Variants in ABHD6 observed in about 807,000 individuals in gnomAD.
The protein encoded by ABHD6 is abhydrolase domain containing 6, acylglycerol lipase.
In ABHD6, 33 loss-of-function variants were observed where a neutral mutation model predicts 38.8. The ratio of observed to expected loss-of-function variants is 0.85; its 90% CI spans 0.64 to 1.14. The LOEUF is 1.14. Ranked by LOEUF, ABHD6 falls within the 50% of genes most tolerant of loss-of-function variation. The probability of loss-of-function intolerance (pLI) is 0.00; values close to 1 mark genes in which losing one functional copy is unlikely to be tolerated. For synonymous variants in ABHD6, 147 were observed against 161.6 expected, an observed-to-expected ratio of 0.91 and a Z score of 0.69; for missense variants, 380 against 422.6, an observed-to-expected ratio of 0.90 and a Z score of 0.88.
In ABHD6 at chr3:58,257,777, G is replaced by A. The variant is rs1158044292; in HGVS notation, c.119+1072G>A. On this transcript the variant is annotated intron_variant, in intron 3 of 9. Coordinates refer to ENST00000478253, the MANE Select transcript of ABHD6 (RefSeq NM_001320126.2). The surrounding 1 kb of genome is among the most constrained non-coding windows in gnomAD (Gnocchi z 4.8). ...GCATGTTTAGGACAGAATGCTTTTA[G>A]AGTTGTTCTAGAAGTGTTCATTAGT... Among the ~76,000 whole-genome samples the A allele has an allele frequency of 6.6e-6, 1 of 152,172 alleles. No homozygotes were observed. Among genetic ancestry groups the A allele is most frequent in the African/African-American group, 2.4e-5 (1 of 41,440 alleles).
At position 58,251,547 on chromosome 3, in the gene ABHD6, C is replaced by T. The variant is rs139846444; in HGVS notation, c.-26+1605C>T. Among the ~76,000 whole-genome samples the T allele has an allele frequency of 1.1e-4, 17 of 152,276 alleles. No homozygotes were observed. The East Asian group carries it at 3.3e-3, about 29-fold the overall frequency. ...CCTAACCCCAGATTAAACTTCATTT[C>T]CCTGATGTAATGTTTATCTGGATCC... On this transcript the variant is annotated intron_variant, in intron 2 of 9. Coordinates refer to ENST00000478253, the MANE Select transcript of ABHD6 (RefSeq NM_001320126.2). The surrounding 1 kb of genome is among the most constrained non-coding windows in gnomAD (Gnocchi z 5.4).
At chr3:58,264,849 A>C (rs2097439814) in intron 3 of ABHD6, among the ~76,000 whole-genome samples, 2 of 152,222 alleles carry the variant, frequency 1.3e-5, no homozygotes, top group Admixed American at 6.5e-5. Context: ...AAATAAGCAC[A>C]TCATGGAGAA....
At chr3:58,282,670 AGGCTGCAG>A (rs2097454233) in intron 7 of ABHD6, among the ~76,000 whole-genome samples, 1 of 152,206 alleles carries the variant, frequency 6.6e-6, no homozygotes, top group East Asian at 1.9e-4. Context: ...CAGGAGGCAG[AGGCTGCAG>A]TGAGCCAAGA....
intron 2 of ABHD6, among the ~76,000 whole-genome samples, chr3:58,253,469 A>G (rs2097431324): frequency 1.3e-5 from 2 of 152,220 alleles, no homozygotes. Flanking sequence ...CTTGAAGGTG[A>G]TGCCTTTTAG....
At chr3:58,258,990 G>A (rs2107440059) in intron 3 of ABHD6, among the ~76,000 whole-genome samples, 1 of 152,300 alleles carries the variant, frequency 6.6e-6, no homozygotes, top group South Asian at 2.1e-4. Flanking sequence ...AAGGCTCCTG[G>A]ATGACCCCTG....
chr3:58,242,868 C>A (rs1412120018), intron 1 of ABHD6, among the ~76,000 whole-genome samples: 2 of 152,182 alleles, frequency 1.3e-5, no homozygotes, highest in Non-Finnish European at 2.9e-5. Context: ...CTATCCCTCC[C>A]CCATCCCCCT....
At chr3:58,240,731 A>ATTTTT (rs34994874) in intron 1 of ABHD6, among the ~76,000 whole-genome samples, 28 of 134,356 alleles carry the variant, frequency 2.1e-4, no homozygotes, top group African/African-American at 6.1e-4. Flanking sequence ...AACCTGGGTA[A>ATTTTT]TTTTTTTTTT....
intron 1 of ABHD6, among the ~76,000 whole-genome samples, chr3:58,241,391 T>C (rs2097422703): frequency 6.6e-6 from 1 of 152,174 alleles, no homozygotes; most frequent in Non-Finnish European, 1.5e-5. Flanking sequence ...GGGTCTGTCA[T>C]GAGCTTCTGT....
chr3:58,289,558 T>C (rs919706225), intron 9 of ABHD6, among the ~76,000 whole-genome samples: 9 of 151,970 alleles, frequency 5.9e-5, no homozygotes, highest in Non-Finnish European at 1.3e-4. Flanking sequence ...CGGGGTAAGG[T>C]CACAGATCAA....
At position 58,285,159 on chromosome 3, in the gene ABHD6, G is replaced by T; in HGVS notation, c.736+20G>T. The T allele has an allele frequency of 6.2e-7, 1 of 1,612,246 alleles. No homozygotes were observed. Among genetic ancestry groups the T allele is most frequent in the Non-Finnish European group, 8.5e-7 (1 of 1,178,298 alleles). The stretch of plus-strand genomic sequence containing the variant: ...GAAAGTGTAAGTAGCCCTACTTTCA[G>T]CTTGGAGCTTGTTACAAGTGAAGCT... On this transcript the variant is annotated intron_variant, in intron 8 of 9. Coordinates refer to ENST00000478253, the MANE Select transcript of ABHD6 (RefSeq NM_001320126.2). This position sits in a 1 kb window ranked among gnomAD's most constrained non-coding sequence, Gnocchi z 4.9.
chr3:58,278,635 T>G (rs1356923895), intron 7 of ABHD6, among the ~76,000 whole-genome samples: 1 of 152,226 alleles, frequency 6.6e-6, no homozygotes, highest in African/African-American at 2.4e-5. Flanking sequence ...TTTCTTGCCT[T>G]CTGCTGGCTT....
At position 58,238,875 on chromosome 3, in the gene ABHD6, A is replaced by G. The variant is rs927440515; in HGVS notation, c.-91+959A>G. ...CTGCTCAGAAATCCCTAGTGGCTCCACCTGGCTAAGAGTTTAAAGTAGTTT... is the reference window on the plus strand; with the variant it reads ...CTGCTCAGAAATCCCTAGTGGCTCCGCCTGGCTAAGAGTTTAAAGTAGTTT... On this transcript the variant is annotated intron_variant, in intron 1 of 9. Coordinates refer to ENST00000478253, the MANE Select transcript of ABHD6 (RefSeq NM_001320126.2). This position sits in a 1 kb window ranked among gnomAD's most constrained non-coding sequence, Gnocchi z 6.9. 1.7e-4 allele frequency among the ~76,000 whole-genome samples: 26 copies of G among 152,096 alleles called. No homozygotes were observed. The South Asian group carries it at 2.1e-3, about 12-fold the overall frequency.
Position 58,241,977 on chromosome 3 carries a change from A to T in ABHD6, c.-91+4061A>T, listed in dbSNP as rs1395351559. Among the ~76,000 whole-genome samples, 8 of 152,338 alleles carry T rather than the reference A, an allele frequency of 5.3e-5. No individual in the cohort carries two copies. In the South Asian group the frequency reaches 8.3e-4, roughly 16 times the overall value. On this transcript the variant is annotated intron_variant, in intron 1 of 9. Transcript: ENST00000478253. ...CACAGTGGTCAATGGCAGAGCAGAG[A>T]TTTGAACCCAGGTTGTTGAGCTGCA...
intron 1 of ABHD6, among the ~76,000 whole-genome samples, chr3:58,247,048 T>A (rs2097426912): frequency 6.6e-6 from 1 of 151,886 alleles, no homozygotes; most frequent in Non-Finnish European, 1.5e-5. Context: ...CCTTTTTTTT[T>A]TTTTTTGAGA....
intron 7 of ABHD6, among the ~76,000 whole-genome samples, chr3:58,277,849 C>T (rs959745127): frequency 1.3e-5 from 2 of 152,146 alleles, no homozygotes; most frequent in Non-Finnish European, 2.9e-5. Context: ...AAGGCCTTTT[C>T]TGCAACTATT....
intron 9 of ABHD6, among the ~76,000 whole-genome samples, chr3:58,290,243 T>C (rs1186342325): frequency 4.4e-4 from 41 of 92,762 alleles, no homozygotes; most frequent in East Asian, 1.6e-3. Flanking sequence ...TAGGGGCGGC[T>C]GGGCAGAGGC....
chr3:58,240,832 G>C (rs993551798), intron 1 of ABHD6, among the ~76,000 whole-genome samples: 12 of 151,066 alleles, frequency 7.9e-5, no homozygotes, highest in Admixed American at 2.7e-4. Flanking sequence ...CCGGGTTCAA[G>C]CAATTCTCCT....
chr3:58,246,803 C>T (rs4681830), intron 1 of ABHD6, among the ~76,000 whole-genome samples: 113,169 of 152,188 alleles, frequency 0.74, 43,330 homozygotes, highest in East Asian at 1. Flanking sequence ...CTATCTTCTA[C>T]CTTAGAGTAC....
intron 9 of ABHD6, among the ~76,000 whole-genome samples, chr3:58,291,669 T>G (rs931431858): frequency 2.6e-5 from 4 of 152,210 alleles, no homozygotes; most frequent in Non-Finnish European, 5.9e-5. Flanking sequence ...TGCACATACC[T>G]CTGGGTGGCC....
Sources: allele counts gnomAD v4.1 joint callset (sites outside exome capture counted in the v4.1 genomes callset), GRCh38; gene constraint gnomAD v4.1.1; non-coding constraint Gnocchi (gnomAD v3.1); transcripts MANE v1.5; gene names NCBI Gene and HGNC (gene_info 2026-07-23, HGNC 2026-07-21).